UBXN10: variants seen among roughly 807,000 people sequenced by gnomAD.
UBXN10 encodes UBX domain protein 10.
Under a neutral mutation model 6.9 loss-of-function variants are expected in UBXN10, and 6 were observed. The ratio of observed to expected loss-of-function variants is 0.87; its 90% confidence interval spans 0.48 to 1.72. The LOEUF is 1.72. Ranked by LOEUF, UBXN10 falls within the 40% of genes most tolerant of loss-of-function variation. The pLI, the probability that UBXN10 is intolerant of heterozygous loss-of-function variation, is 0.01. For missense variants in UBXN10, 317 were observed against 348.4 expected (o/e 0.91, Z 0.72); for synonymous variants, 131 against 135.2 (o/e 0.97, Z 0.21).
At position 20,190,528 on chromosome 1, in the gene UBXN10, T is replaced by A. The variant is rs535172179; in HGVS notation, c.-15-19T>A. 2.7e-5 allele frequency: 42 copies of A among 1,583,800 alleles called. No homozygotes were observed. The highest frequency in any genetic ancestry group is 2.5e-4 in the South Asian group (22 of 87,386). ...GGAAGTTTAACCCACGGACTCCTGT[T>A]TTTTTCCTGCTTCCTTAGGGGTCTT... On this transcript the variant is annotated intron_variant, in intron 1 of 1. Coordinates refer to ENST00000375099, the MANE Select transcript of UBXN10 (RefSeq NM_152376.5).
At chr1:20,189,904 T>C (rs967860047) in intron 1 of UBXN10, among the ~76,000 whole-genome samples, 3 of 152,116 alleles carry the variant, frequency 2.0e-5, no homozygotes, top group Non-Finnish European at 2.9e-5. Flanking sequence ...TGTGTGACCA[T>C]TGGGAAATCA....
Position 20,190,854 on chromosome 1 carries a change from A to T in UBXN10, c.293A>T (p.Glu98Val). 1 of 1,614,020 alleles carries T rather than the reference A, an allele frequency of 6.2e-7. No individual in the cohort carries two copies. Among genetic ancestry groups the T allele is most frequent in the African/African-American group, 1.3e-5 (1 of 75,018 alleles). Residue 98 changes from glutamate (E) to valine (V), a missense_variant, in exon 2 of 2, where the codon GAG (glutamate) becomes GTG (valine). Physicochemically the swap from Glu to Val is moderately radical, Grantham distance 121. Coordinates refer to ENST00000375099, the MANE Select transcript of UBXN10 (RefSeq NM_152376.5). Reference sequence around the variant, plus strand: ...CAGGGAGCTTCTGATGAGATCCCTGAGCTGCAGCAGCAAGTACCCACTGGG... The same window carrying T: ...CAGGGAGCTTCTGATGAGATCCCTGTGCTGCAGCAGCAAGTACCCACTGGG... Reference protein sequence around the residue: ...PNQGASDEIPELQQQVPTGAS... With the variant: ...PNQGASDEIPVLQQQVPTGAS...
chr1:20,185,567 GC>G (rs1162302037), upstream of UBXN10, among the ~76,000 whole-genome samples: 1 of 152,180 alleles, frequency 6.6e-6, no homozygotes, highest in African/African-American at 2.4e-5. Flanking sequence ...TCCCAGTGTG[GC>G]CCCGGAGTGG....
rs886108625 is a variant in UBXN10, at chr1:20,193,145, G to T, written c.*1741G>T. On this transcript the variant is annotated 3_prime_UTR_variant, in exon 2 of 2. Coordinates refer to ENST00000375099, the MANE Select transcript of UBXN10 (RefSeq NM_152376.5). Reference sequence around the variant, plus strand: ...AGTACAGGAATTTCACTTCCCACCAGGACTTGAGCACATAACTCTATGTCT... The same window carrying T: ...AGTACAGGAATTTCACTTCCCACCATGACTTGAGCACATAACTCTATGTCT... 6.0e-6 allele frequency: 1 copy of T among 167,048 alleles called. No individual in the cohort carries two copies. The highest frequency in any genetic ancestry group is 1.5e-5 in the Non-Finnish European group (1 of 68,116). 10.3% of individuals were successfully genotyped at this position (167,048 alleles called of 1,614,324 possible).
chr1:20,191,055 C>T lies in UBXN10; in HGVS notation c.494C>T (p.Ala165Val), dbSNP rs1434257755. 2 of 1,614,128 alleles carry T rather than the reference C, an allele frequency of 1.2e-6. No individual in the cohort carries two copies. Among genetic ancestry groups the T allele is most frequent in the Non-Finnish European group, 8.5e-7 (1 of 1,180,028 alleles). Reference protein sequence around the residue: ...TMKTSEEDSRARACAVERKFI... With the variant: ...TMKTSEEDSRVRACAVERKFI... ...AAGACAAGTGAAGAAGATTCCAGAG[C>T]TCGAGCTTGTGCCGTGGAGAGGAAA... The change falls in exon 2 of 2, where the codon GCT becomes GTT. Residue 165 changes from alanine to valine, a missense_variant. Ala to Val is a moderately conservative substitution (Grantham distance 64). Coordinates refer to ENST00000375099, the MANE Select transcript of UBXN10 (RefSeq NM_152376.5). The surrounding 1 kb of genome is among the most constrained non-coding windows in gnomAD (Gnocchi z 4.5).
chr1:20,191,251 G>T lies in UBXN10; in HGVS notation c.690G>T (p.Gln230His). ...DLQTIVAVAEQKNKTSYRHCS... is the reference protein window; with the variant it reads ...DLQTIVAVAEHKNKTSYRHCS... The stretch of plus-strand genomic sequence containing the variant: ...AAACCATTGTTGCTGTGGCCGAACA[G>T]AAAAACAAAACCTCCTACCGACACT... The change falls in exon 2 of 2, where the codon CAG becomes CAT. Residue 230 changes from glutamine (Q) to histidine (H), a missense_variant. By Grantham distance (24) the Gln-to-His change is conservative. Transcript: ENST00000375099. The surrounding 1 kb of genome is among the most constrained non-coding windows in gnomAD (Gnocchi z 4.5). 6.2e-7 allele frequency: 1 copy of T among 1,614,214 alleles called. No homozygotes were observed. The highest frequency in any genetic ancestry group is 8.5e-7 in the Non-Finnish European group (1 of 1,180,034).
At position 20,190,768 on chromosome 1, in the gene UBXN10, C is replaced by T. The variant is rs764427572; in HGVS notation, c.207C>T (p.Ala69=). 1 of 1,614,042 alleles carries T rather than the reference C, an allele frequency of 6.2e-7. No homozygotes were observed. Among genetic ancestry groups the T allele is most frequent in the Admixed American group, 1.7e-5 (1 of 60,018 alleles). Reference sequence around the variant, plus strand: ...ATCATATACCATCTCCGCCTCCAGCCATTCCCTATGAGTTGCCAAGCAGCC... The same window carrying T: ...ATCATATACCATCTCCGCCTCCAGCTATTCCCTATGAGTTGCCAAGCAGCC... ...CAHHIPSPPP[A]IPYELPSSQK... The change falls in exon 2 of 2, where the codon GCC becomes GCT. Residue 69 remains alanine (A), a synonymous_variant. Transcript: ENST00000375099.
At position 20,191,563 on chromosome 1, in the gene UBXN10, G is replaced by A; in HGVS notation, c.*159G>A. 1.7e-6 allele frequency: 2 copies of A among 1,182,142 alleles called. No homozygotes were observed. The highest frequency in any genetic ancestry group is 2.3e-6 in the Non-Finnish European group (2 of 852,500). The allele number at this position is 1,182,142 out of a possible 1,614,324, so 73.2% of individuals were successfully genotyped here. ...ACTGCGTGTCCTCTGAAGCAGTGAA[G>A]TCTGTGCCTATGCCGAGCGCGCTAA... On this transcript the variant is annotated 3_prime_UTR_variant, in exon 2 of 2. Transcript: ENST00000375099. This position sits in a 1 kb window ranked among gnomAD's most constrained non-coding sequence, Gnocchi z 4.5.
Position 20,192,984 on chromosome 1 carries a change from C to T in UBXN10, c.*1580C>T, listed in dbSNP as rs1250624858. ...GAATGTTTTATAGAATTTCTTAATA[C>T]CATCCTGGTTTGGTCAGCCATTCCT... is the stretch of plus-strand genomic sequence containing the variant. On this transcript the variant is annotated 3_prime_UTR_variant, in exon 2 of 2. Transcript: ENST00000375099. 1.8e-5 allele frequency: 3 copies of T among 167,110 alleles called. No individual in the cohort carries two copies. Among genetic ancestry groups the T allele is most frequent in the African/African-American group, 7.2e-5 (3 of 41,456 alleles). 10.4% of individuals were successfully genotyped at this position (167,110 alleles called of 1,614,324 possible).
At chr1:20,185,511 T>C (rs965734759), upstream of UBXN10, among the ~76,000 whole-genome samples, 4 of 151,976 alleles carry the variant, frequency 2.6e-5, no homozygotes, top group South Asian at 4.2e-4. Context: ...GTGGAAGAGA[T>C]TGTGGCTGGG....
At chr1:20,188,603 G>T (rs559456120) in intron 1 of UBXN10, among the ~76,000 whole-genome samples, 2 of 152,338 alleles carry the variant, frequency 1.3e-5, no homozygotes, top group Non-Finnish European at 1.5e-5. Flanking sequence ...AAATCATTCT[G>T]CAGGAAGTGA....
In UBXN10 at chr1:20,193,496, C is replaced by A. The variant is rs1234220635; in HGVS notation, c.*2092C>A. 6.0e-6 allele frequency: 1 copy of A among 166,736 alleles called. No homozygotes were observed. The highest frequency in any genetic ancestry group is 1.5e-5 in the Non-Finnish European group (1 of 68,050). The allele number at this position is 166,736 out of a possible 1,614,324, so 10.3% of individuals were successfully genotyped here. A position where few individuals can be genotyped will look rare whatever the true frequency, so the allele number is the denominator to read the frequency against. On this transcript the variant is annotated 3_prime_UTR_variant, in exon 2 of 2. Coordinates refer to ENST00000375099, the MANE Select transcript of UBXN10 (RefSeq NM_152376.5). Reference sequence around the variant, plus strand: ...TGGACAAAAGATGATACGATAAAAACCAACTTGTGTGAAACTGAGTCAGTG... The same window carrying A: ...TGGACAAAAGATGATACGATAAAAAACAACTTGTGTGAAACTGAGTCAGTG...
chr1:20,192,372 A>T lies in UBXN10; in HGVS notation c.*968A>T, dbSNP rs908813791. The T allele has an allele frequency of 1.8e-5, 3 of 166,988 alleles. No homozygotes were observed. The highest frequency in any genetic ancestry group is 6.5e-5 in the Admixed American group (1 of 15,278). 10.3% of individuals were successfully genotyped at this position (166,988 alleles called of 1,614,324 possible). A position where few individuals can be genotyped will look rare whatever the true frequency, so the allele number is the denominator to read the frequency against. ...AGCTGTGACAGAGGTGCCTGTTCTG[A>T]CTTAGAACCTCTGGAGGAGGAGGGG... On this transcript the variant is annotated 3_prime_UTR_variant, in exon 2 of 2. Transcript: ENST00000375099.
Position 20,193,759 on chromosome 1 carries a change from A to T in UBXN10, c.*2355A>T, listed in dbSNP as rs1043961843. 6.0e-6 allele frequency: 1 copy of T among 167,058 alleles called. No homozygotes were observed. The highest frequency in any genetic ancestry group is 1.5e-5 in the Non-Finnish European group (1 of 68,122). 10.3% of individuals were successfully genotyped at this position (167,058 alleles called of 1,614,324 possible). ...TAAGAGTCACCTGAATTTTTCCTAA[A>T]CATCATTCCAAGTACTCTGATTTTG... On this transcript the variant is annotated 3_prime_UTR_variant, in exon 2 of 2. Coordinates refer to ENST00000375099, the MANE Select transcript of UBXN10 (RefSeq NM_152376.5).
chr1:20,191,637 G>A lies in UBXN10; in HGVS notation c.*233G>A. On this transcript the variant is annotated 3_prime_UTR_variant, in exon 2 of 2. Coordinates refer to ENST00000375099, the MANE Select transcript of UBXN10 (RefSeq NM_152376.5). The surrounding 1 kb of genome is among the most constrained non-coding windows in gnomAD (Gnocchi z 4.5). Reference sequence around the variant, plus strand: ...ATTCTCTCCACCACCAGCGTAACTGGCAAGTTACCAAGGTTGTTCCTGAAA... The same window carrying A: ...ATTCTCTCCACCACCAGCGTAACTGACAAGTTACCAAGGTTGTTCCTGAAA... The A allele has an allele frequency of 1.8e-6, 1 of 544,976 alleles. No homozygotes were observed. The highest frequency in any genetic ancestry group is 3.4e-5 in the East Asian group (1 of 29,760). 33.8% of individuals were successfully genotyped at this position (544,976 alleles called of 1,614,324 possible). A position where few individuals can be genotyped will look rare whatever the true frequency, so the allele number is the denominator to read the frequency against.
rs7530964 is a variant in UBXN10, at chr1:20,186,159, A to C, written c.-16+6A>C. The C allele has an allele frequency of 1, 152,628 of 152,628 alleles. 76,314 individuals carry two copies. Among genetic ancestry groups the C allele is most frequent in the Non-Finnish European group, 1 (68,300 of 68,300 alleles). The allele number at this position is 152,628 out of a possible 1,614,324, so 9.5% of individuals were successfully genotyped here. On this transcript the variant is annotated splice_donor_region_variant and intron_variant, in intron 1 of 1. Coordinates refer to ENST00000375099, the MANE Select transcript of UBXN10 (RefSeq NM_152376.5). ...GGATGGAGCGGAACGGCTAGGTGAG[A>C]GCGGCTGCCCGATCCCGCGGCCTGC...
Position 20,191,379 on chromosome 1 carries a change from T to C in UBXN10, c.818T>C (p.Leu273Pro). 6.2e-7 allele frequency: 1 copy of C among 1,611,068 alleles called. No individual in the cohort carries two copies. ...CACAAGTCTGTGCTGGGCATCTCAC[T>C]GGAAGATGGGGAAGGGTGGCCCTGA... ...IPHKSVLGISLEDGEGWP is the reference protein window; with the variant it reads ...IPHKSVLGISPEDGEGWP Residue 273 changes from leucine (L) to proline (P), a missense_variant, in exon 2 of 2, where the codon CTG (leucine) becomes CCG (proline). Leu to Pro is a moderately conservative substitution (Grantham distance 98). Coordinates refer to ENST00000375099, the MANE Select transcript of UBXN10 (RefSeq NM_152376.5). This position sits in a 1 kb window ranked among gnomAD's most constrained non-coding sequence, Gnocchi z 4.5.
upstream of UBXN10, among the ~76,000 whole-genome samples, chr1:20,185,534 G>A (rs976761256): frequency 6.6e-6 from 1 of 152,188 alleles, no homozygotes; most frequent in Non-Finnish European, 1.5e-5. Context: ...CATCAAAGGA[G>A]GTGCAGATGC....
chr1:20,190,512 AC>A, intron 1 of UBXN10, 34 bp from the exon 2 acceptor site: 1 of 1,560,972 alleles, frequency 6.4e-7, no homozygotes, highest in Non-Finnish European at 8.7e-7. Context: ...AGGAAGTTTA[AC>A]CCACGGACTC....
Sources: gnomAD v4.1 joint callset for allele counts (sites outside exome capture counted in the v4.1 genomes callset) on GRCh38, gnomAD v4.1.1 for gene constraint, Gnocchi (gnomAD v3.1) non-coding constraint, MANE v1.5 for transcripts, NCBI Gene and HGNC (gene_info 2026-07-23, HGNC 2026-07-21) for gene names.